CASD1: variants seen among roughly 807,000 people sequenced by gnomAD.
CASD1 encodes the protein CAS1 domain sialic acid O acetyltransferase 1.
Under a neutral mutation model 100.0 loss-of-function variants are expected in CASD1, and 41 were observed. The observed-to-expected ratio is 0.41, with a 90% CI of 0.32 to 0.53. The LOEUF is 0.53. Ranked by LOEUF, CASD1 falls within the 20% of genes least tolerant of loss-of-function variation. The pLI, the probability that CASD1 is intolerant of heterozygous loss-of-function variation, is 0.25. For missense variants in CASD1, 774 were observed against 948.7 expected (o/e 0.82, Z 2.42); for synonymous variants, 321 against 315.6 (o/e 1.02, Z -0.18).
chr7:94,585,476 T>C, the CASD1 span: 3 of 1,602,868 alleles, frequency 1.9e-6, no homozygotes, highest in East Asian at 4.5e-5. Flanking sequence ...TATAAATTCA[T>C]TGCTTCAGTC....
intron 3 of CASD1, among the ~76,000 whole-genome samples, chr7:94,525,312 C>T (rs1794508223): frequency 6.6e-6 from 1 of 152,094 alleles, no homozygotes; most frequent in Admixed American, 6.5e-5. Context: ...ATTTATGTGA[C>T]AAAAACTAAA....
chr7:94,555,672 TC>T lies in CASD1; in HGVS notation c.2309del (p.Ser770PhefsTer3). 1 of 1,613,402 alleles carries T rather than the reference TC, an allele frequency of 6.2e-7. No homozygotes were observed. ...AQIIIPKDNSSLLKRLACIAA... is the reference protein window; with the variant it reads ...AQIIIPKDNSXLLKRLACIAA... ...GATTATTATTCCTAAAGATAACTCA[TC>T]TCTCTTGAAAAGGTTGGCATGTATA... On this transcript the variant is annotated frameshift_variant, in exon 18 of 18. Coordinates refer to ENST00000297273, the MANE Select transcript of CASD1 (RefSeq NM_022900.5). LOFTEE classifies it high-confidence loss of function.
the CASD1 span, chr7:94,618,836 C>T: frequency 6.5e-5 from 105 of 1,613,910 alleles, no homozygotes; most frequent in Non-Finnish European, 8.3e-5. Flanking sequence ...GGCGTTCAGG[C>T]GCTCTGGCTG....
chr7:94,608,667 A>G, the CASD1 span, among the ~76,000 whole-genome samples: 1 of 152,332 alleles, frequency 6.6e-6, no homozygotes, highest in Non-Finnish European at 1.5e-5. Flanking sequence ...ACCCAACATC[A>G]AGATTTACTA....
At chr7:94,579,865 A>G in the CASD1 span, among the ~76,000 whole-genome samples, 1 of 152,188 alleles carries the variant, frequency 6.6e-6, no homozygotes, top group South Asian at 2.1e-4. Flanking sequence ...TTCACTTTGC[A>G]TAAAACTAAG....
Position 94,528,265 on chromosome 7 carries a change from A to C in CASD1, c.459+15A>C, listed in dbSNP as rs370364007. ...TGTGGACTGAGGTCTGTATTTAAAA[A>C]ACATAGGCTTTTTTTTTTTTTATTT... On this transcript the variant is annotated intron_variant, in intron 5 of 17. Transcript: ENST00000297273. 2.9e-5 allele frequency: 44 copies of C among 1,534,472 alleles called. No homozygotes were observed. The highest frequency in any genetic ancestry group is 3.8e-5 in the Non-Finnish European group (43 of 1,143,948).
the CASD1 span, among the ~76,000 whole-genome samples, chr7:94,602,003 A>G: frequency 6.6e-6 from 1 of 152,190 alleles, no homozygotes. Context: ...CTTTCCACTT[A>G]TAAAGCCTTA....
At chr7:94,599,753 ATAAT>A in the CASD1 span, 1 of 1,433,214 alleles carries the variant, frequency 7.0e-7, no homozygotes. Flanking sequence ...TATGAATTAA[ATAAT>A]AGCATTGATA....
At chr7:94,595,873 G>T in the CASD1 span, among the ~76,000 whole-genome samples, 2 of 151,986 alleles carry the variant, frequency 1.3e-5, no homozygotes, top group African/African-American at 4.8e-5. Context: ...ATAAAAGAAA[G>T]ATAATATACA....
downstream of CASD1, among the ~76,000 whole-genome samples, chr7:94,560,171 C>G (rs776077505): frequency 7.9e-5 from 12 of 152,146 alleles, no homozygotes; most frequent in African/African-American, 1.2e-4. Flanking sequence ...AATGAATATG[C>G]CTTCCTTCAT....
At chr7:94,563,904 G>T in the CASD1 span, among the ~76,000 whole-genome samples, 3 of 152,292 alleles carry the variant, frequency 2.0e-5, no homozygotes, top group African/African-American at 7.2e-5. Flanking sequence ...GTGTACTTAA[G>T]TGGCAAGACT....
At chr7:94,538,323 A>C (rs1320234136) in intron 9 of CASD1, among the ~76,000 whole-genome samples, 1 of 152,168 alleles carries the variant, frequency 6.6e-6, no homozygotes, top group Non-Finnish European at 1.5e-5. Flanking sequence ...ACATATATAC[A>C]TACCAATCAG....
intron 3 of CASD1, among the ~76,000 whole-genome samples, chr7:94,519,845 C>A (rs1174156273): frequency 6.6e-6 from 1 of 152,108 alleles, no homozygotes; most frequent in African/African-American, 2.4e-5. Flanking sequence ...TTTCTGATTA[C>A]TATGAAGGTT....
At chr7:94,553,806 A>G (rs1796069784) in intron 16 of CASD1, 1 of 151,360 alleles carries the variant, frequency 6.6e-6, no homozygotes, top group Non-Finnish European at 1.5e-5. Context: ...AAATAAATAA[A>G]TAAATAAATA....
chr7:94,578,999 T>A, the CASD1 span, among the ~76,000 whole-genome samples: 2 of 152,084 alleles, frequency 1.3e-5, no homozygotes, highest in Non-Finnish European at 2.9e-5. Flanking sequence ...CCTTCATAAC[T>A]TTTATATTAG....
At chr7:94,546,994 T>G (rs553608679) in intron 12 of CASD1, 102 bp from the exon 13 acceptor site, 6 of 642,246 alleles carry the variant, frequency 9.3e-6, no homozygotes, top group Non-Finnish European at 1.5e-5. Flanking sequence ...TCTTATATTA[T>G]TTTAAGAACT....
At chr7:94,515,454 T>C (rs902515908) in intron 1 of CASD1, among the ~76,000 whole-genome samples, 2 of 151,842 alleles carry the variant, frequency 1.3e-5, no homozygotes, top group African/African-American at 4.8e-5. Context: ...AGATTAGAGC[T>C]ATTGTTTTCC....
the CASD1 span, among the ~76,000 whole-genome samples, chr7:94,592,902 A>G: frequency 2.0e-5 from 3 of 152,162 alleles, no homozygotes; most frequent in Non-Finnish European, 4.4e-5. Context: ...TTCACTTTTC[A>G]GTTAGTATGG....
At chr7:94,586,377 A>G in the CASD1 span, among the ~76,000 whole-genome samples, 243 of 152,358 alleles carry the variant, frequency 1.6e-3, no homozygotes, top group African/African-American at 5.6e-3. Flanking sequence ...ATTTTCAGAT[A>G]GAAGAATTTA....
Sources: allele counts gnomAD v4.1 joint callset (sites outside exome capture counted in the v4.1 genomes callset), GRCh38; gene constraint gnomAD v4.1.1; transcripts MANE v1.5; gene names NCBI Gene and HGNC (gene_info 2026-07-23, HGNC 2026-07-21).